Variants in TENT5C observed in about 807,000 individuals in gnomAD.
The protein encoded by TENT5C is family with sequence similarity 46 member C.
Under a neutral mutation model 22.2 loss-of-function variants are expected in TENT5C, and 5 were observed. The observed-to-expected ratio is 0.22, with a 90% CI of 0.12 to 0.47. The LOEUF (loss-of-function observed/expected upper bound fraction) is 0.47. TENT5C is among the 20% of genes least tolerant of loss of function. The pLI is 0.99. For missense variants in TENT5C, 364 were observed against 500.9 expected (o/e 0.73, Z 2.61); for synonymous variants, 199 against 195.4 (o/e 1.02, Z -0.15).
chr1:117,614,954 G>A (rs1340940538), intron 1 of TENT5C, among the ~76,000 whole-genome samples: 4 of 152,110 alleles, frequency 2.6e-5, no homozygotes, highest in Non-Finnish European at 5.9e-5. Context: ...TAGGATCCTA[G>A]GCCTTCATCT....
chr1:117,624,164 C>CCTT lies in TENT5C; in HGVS notation c.*120_*121insCTT. 3 of 628,474 alleles carry CCTT rather than the reference C, an allele frequency of 4.8e-6. No individual in the cohort carries two copies. The East Asian group carries it at 8.6e-5, about 18-fold the overall frequency. The allele number at this position is 628,474 out of a possible 1,614,324, so 38.9% of individuals were successfully genotyped here. Reference sequence around the variant, plus strand: ...AAAGGGGAACTCAGCTCTGATTCTGCTTTTTTTTTTTTTTTTCCTTTGTGT... The same window carrying CCTT: ...AAAGGGGAACTCAGCTCTGATTCTGCCTTTTTTTTTTTTTTTTTTCCTTTGTGT... On this transcript the variant is annotated 3_prime_UTR_variant, in exon 2 of 2. Coordinates refer to ENST00000369448, the MANE Select transcript of TENT5C (RefSeq NM_017709.4).
At chr1:117,619,104 ATAAT>A (rs1198143968) in intron 1 of TENT5C, among the ~76,000 whole-genome samples, 2 of 152,240 alleles carry the variant, frequency 1.3e-5, no homozygotes, top group Admixed American at 6.5e-5. Flanking sequence ...AGCTTTATAA[ATAAT>A]TCTCCAATGA....
In TENT5C at chr1:117,627,331, C is replaced by T. The variant is rs1293932354; in HGVS notation, c.*3287C>T. On this transcript the variant is annotated 3_prime_UTR_variant, in exon 2 of 2. Transcript: ENST00000369448. ...CTTCAGCTTCACCTCTGCACTAACC[C>T]CTTACCCTTATGGTACGTCAGGATT... 1 of 248,040 alleles carries T rather than the reference C, an allele frequency of 4.0e-6. No homozygotes were observed. Among genetic ancestry groups the T allele is most frequent in the African/African-American group, 2.2e-5 (1 of 45,348 alleles). The allele number at this position is 248,040 out of a possible 1,614,324, so 15.4% of individuals were successfully genotyped here.
Position 117,625,045 on chromosome 1 carries a change from C to T in TENT5C, c.*1001C>T, listed in dbSNP as rs1653978606. 4.0e-6 allele frequency: 1 copy of T among 247,642 alleles called. No individual in the cohort carries two copies. Among genetic ancestry groups the T allele is most frequent in the Admixed American group, 5.6e-5 (1 of 17,752 alleles). 15.3% of individuals were successfully genotyped at this position (247,642 alleles called of 1,614,324 possible). The stretch of plus-strand genomic sequence containing the variant: ...CTGGAAACCCACTTTGGTCACATTC[C>T]AAGTATGACACAGCTGTTCTTCTGG... On this transcript the variant is annotated 3_prime_UTR_variant, in exon 2 of 2. Transcript: ENST00000369448.
chr1:117,614,003 ATC>A (rs1242306384), intron 1 of TENT5C, among the ~76,000 whole-genome samples: 5 of 152,202 alleles, frequency 3.3e-5, no homozygotes, highest in Admixed American at 2.0e-4. Context: ...GCATTATTTT[ATC>A]TGTTTTTATT....
At chr1:117,622,788 T>C in intron 1 of TENT5C, 54 bp from the exon 2 acceptor site, 3 of 1,249,414 alleles carry the variant, frequency 2.4e-6, no homozygotes, top group Non-Finnish European at 1.1e-6. Context: ...TTCCTCGAGC[T>C]GCTTTGCCAT....
chr1:117,618,123 G>A (rs867753638), intron 1 of TENT5C, among the ~76,000 whole-genome samples: 4 of 152,164 alleles, frequency 2.6e-5, no homozygotes, highest in African/African-American at 9.7e-5. Context: ...CTTTTATACA[G>A]ACTTTTTCCC....
chr1:117,622,316 CGT>C (rs3050944), intron 1 of TENT5C, among the ~76,000 whole-genome samples: 2,037 of 149,508 alleles, frequency 0.014, 17 homozygotes, highest in Middle Eastern at 0.041. Flanking sequence ...TGAAGGAAGT[CGT>C]GTGTGTGTGT....
At chr1:117,606,562 C>A (rs1230340826) in intron 1 of TENT5C, among the ~76,000 whole-genome samples, 1 of 152,214 alleles carries the variant, frequency 6.6e-6, no homozygotes, top group Non-Finnish European at 1.5e-5. Flanking sequence ...ACGGCGCCCC[C>A]CGCCACCCAT....
At chr1:117,619,543 T>C (rs1653852173) in intron 1 of TENT5C, among the ~76,000 whole-genome samples, 1 of 152,164 alleles carries the variant, frequency 6.6e-6, no homozygotes, top group African/African-American at 2.4e-5. Context: ...AATTATATAG[T>C]CAAATATAGC....
At chr1:117,614,428 T>TG (rs916953447) in intron 1 of TENT5C, among the ~76,000 whole-genome samples, 5 of 152,084 alleles carry the variant, frequency 3.3e-5, no homozygotes, top group African/African-American at 1.2e-4. Flanking sequence ...TACATGCAGG[T>TG]GGGGGAAGTG....
intron 1 of TENT5C, among the ~76,000 whole-genome samples, chr1:117,606,986 G>A (rs1022793306): frequency 2.6e-5 from 4 of 152,178 alleles, no homozygotes; most frequent in African/African-American, 7.2e-5. Context: ...CGACTCGGAC[G>A]GATACCGGTG....
In TENT5C at chr1:117,612,547, G is replaced by A. The variant is rs563668974; in HGVS notation, c.-28+6394G>A. ...CAAGTCAAAGTGTTTGAGCTGTCTG[G>A]TGACAGCACATTAATTACTTGATGA... On this transcript the variant is annotated intron_variant, in intron 1 of 1. Transcript: ENST00000369448. 2.6e-5 allele frequency among the ~76,000 whole-genome samples: 4 copies of A among 152,170 alleles called. No homozygotes were observed. In the East Asian group the frequency reaches 7.7e-4, roughly 29 times the overall value.
At chr1:117,613,925 C>G (rs1382580013) in intron 1 of TENT5C, among the ~76,000 whole-genome samples, 1 of 152,124 alleles carries the variant, frequency 6.6e-6, no homozygotes, top group Non-Finnish European at 1.5e-5. Context: ...AAGTGGGCAA[C>G]TGTAAAAATA....
At position 117,623,377 on chromosome 1, in the gene TENT5C, T is replaced by C. The variant is rs776332343; in HGVS notation, c.509T>C (p.Val170Ala). ...GGGAAGAACGTGGAGCTGAAGTTTGTCGACTCCATTCGGCGTCAGTTTGAG... is the reference window on the plus strand; with the variant it reads ...GGGAAGAACGTGGAGCTGAAGTTTGCCGACTCCATTCGGCGTCAGTTTGAG... ...KNGKNVELKF[V>A]DSIRRQFEFS... The change falls in exon 2 of 2, where the codon GTC becomes GCC. Residue 170 changes from valine (V) to alanine (A), a missense_variant. Physicochemically the swap from Val to Ala is moderately conservative, Grantham distance 64. Around this residue, in one of 3 missense-constraint regions of TENT5C, gnomAD observed 303 missense variants for 394.5 expected, o/e 0.77. Transcript: ENST00000369448. 6.2e-7 allele frequency: 1 copy of C among 1,614,200 alleles called. No homozygotes were observed. Among genetic ancestry groups the C allele is most frequent in the Non-Finnish European group, 8.5e-7 (1 of 1,180,044 alleles).
Position 117,623,691 on chromosome 1 carries a change from TTCA to T in TENT5C, c.826_828del (p.Ile276del). 7 of 1,614,132 alleles carry T rather than the reference TTCA, an allele frequency of 4.3e-6. No homozygotes were observed. The highest frequency in any genetic ancestry group is 5.9e-6 in the Non-Finnish European group (7 of 1,180,022). On this transcript the variant is annotated inframe_deletion, in exon 2 of 2. Transcript: ENST00000369448. Reference sequence around the variant, plus strand: ...AGAGCGCTACATGTGCTCCAGGTTCTTCATCGACTTCCCGGACATCCTTGAACA... The same window carrying T: ...AGAGCGCTACATGTGCTCCAGGTTCTTCGACTTCCCGGACATCCTTGAACA...
chr1:117,626,920 C>T lies in TENT5C; in HGVS notation c.*2876C>T. The T allele has an allele frequency of 1.2e-5, 3 of 248,150 alleles. No homozygotes were observed. Among genetic ancestry groups the T allele is most frequent in the Admixed American group, 1.1e-4 (2 of 17,806 alleles). The allele number at this position is 248,150 out of a possible 1,614,324, so 15.4% of individuals were successfully genotyped here. ...AGTGAGATGAAGACAGTACCTTTTC[C>T]TCTCACATTGGCAGAATAGCACGCA... On this transcript the variant is annotated 3_prime_UTR_variant, in exon 2 of 2. Coordinates refer to ENST00000369448, the MANE Select transcript of TENT5C (RefSeq NM_017709.4).
In TENT5C at chr1:117,623,217, C is replaced by T. The variant is rs1458190584; in HGVS notation, c.349C>T (p.Leu117=). 6.2e-7 allele frequency: 1 copy of T among 1,614,168 alleles called. No homozygotes were observed. The highest frequency in any genetic ancestry group is 2.2e-5 in the East Asian group (1 of 44,886). ...TAGAGATGTGGTTCTGTGTTCCCTT[C>T]TGAACTTCCTGCCAGAGGGTGTGAA... The part of the protein sequence containing the change: ...LVRDVVLCSL[L]NFLPEGVNKL... The change falls in exon 2 of 2, where the codon CTG becomes TTG. Residue 117 remains leucine (L), a synonymous_variant. Coordinates refer to ENST00000369448, the MANE Select transcript of TENT5C (RefSeq NM_017709.4).
intron 1 of TENT5C, among the ~76,000 whole-genome samples, chr1:117,609,181 C>T (rs560935598): frequency 6.6e-6 from 1 of 152,172 alleles, no homozygotes; most frequent in African/African-American, 2.4e-5. Flanking sequence ...TGTTTTCAGG[C>T]CATAAGATCT....
Sources: allele counts gnomAD v4.1 joint callset (sites outside exome capture counted in the v4.1 genomes callset), GRCh38; gene constraint gnomAD v4.1.1; regional missense constraint gnomAD v4.1.1; transcripts MANE v1.5; gene names NCBI Gene and HGNC (gene_info 2026-07-23, HGNC 2026-07-21).